ACTR8: variants seen among roughly 807,000 people sequenced by gnomAD.
The protein encoded by ACTR8 is actin related protein 8.
ACTR8 carries 70 observed loss-of-function variants against 84.3 expected under a neutral mutation model. The ratio of observed to expected loss-of-function variants is 0.83; its 90% CI spans 0.68 to 1.01. ACTR8 has a LOEUF of 1.01. Ranked by LOEUF, ACTR8 falls within the 50% of genes least tolerant of loss-of-function variation. ACTR8 has a pLI of 0.00. For missense variants in ACTR8, 672 were observed against 775.4 expected (o/e 0.87, Z 1.58); for synonymous variants, 268 against 275.2 (o/e 0.97, Z 0.26).
rs1348618594 is a variant in ACTR8, at chr3:53,867,091, T to C, written c.*1628A>G. On this transcript the variant is annotated 3_prime_UTR_variant, in exon 13 of 13. Coordinates refer to ENST00000335754, the MANE Select transcript of ACTR8 (RefSeq NM_022899.5). ...TTTAATGTAGCAAATTTTACTTATT[T>C]GTCATGATCAGTTTTCACAGTGCTT... The C allele has an allele frequency of 1.3e-5, 2 of 152,230 alleles. No homozygotes were observed. Among genetic ancestry groups the C allele is most frequent in the African/African-American group, 4.8e-5 (2 of 41,460 alleles). The allele number at this position is 152,230 out of a possible 1,614,324, so 9.4% of individuals were successfully genotyped here. A position where few individuals can be genotyped will look rare whatever the true frequency, so the allele number is the denominator to read the frequency against.
intron 6 of ACTR8, 37 bp downstream of exon 6, chr3:53,876,583 C>A: frequency 8.6e-7 from 1 of 1,159,188 alleles, no homozygotes; most frequent in Non-Finnish European, 1.3e-6. Context: ...AAAGAAAATT[C>A]CATTTAAAAT....
chr3:53,878,320 T>C (rs772401507), intron 3 of ACTR8, 37 bp downstream of exon 3: 3 of 1,363,438 alleles, frequency 2.2e-6, no homozygotes, highest in Non-Finnish European at 3.1e-6. Context: ...ATACCAATAG[T>C]GGTGATAAAA....
At position 53,868,487 on chromosome 3, in the gene ACTR8, G is replaced by T; in HGVS notation, c.*232C>A. 1.8e-6 allele frequency: 1 copy of T among 553,636 alleles called. No homozygotes were observed. The highest frequency in any genetic ancestry group is 3.1e-6 in the Non-Finnish European group (1 of 325,408). The allele number at this position is 553,636 out of a possible 1,614,324, so 34.3% of individuals were successfully genotyped here. On this transcript the variant is annotated 3_prime_UTR_variant, in exon 13 of 13. Transcript: ENST00000335754. Reference sequence around the variant, plus strand: ...TGAGACCCTGAGAGAGGGCAAGAGAGTTTACAACTGAAGAGAAAGTTCCTA... The same window carrying T: ...TGAGACCCTGAGAGAGGGCAAGAGATTTTACAACTGAAGAGAAAGTTCCTA...
At chr3:53,881,910 T>A (rs2276844) in intron 1 of ACTR8, 69 bp downstream of exon 1, 499,261 of 1,545,850 alleles carry the variant, frequency 0.32, 82,473 homozygotes, top group East Asian at 0.52. Flanking sequence ...TCCCGCCGCC[T>A]CCCGCCCCTT....
rs199805171 is a variant in ACTR8 at position 53,872,543 on chromosome 3, A to G, written c.1162-19T>C. The G allele has an allele frequency of 1.3e-5, 21 of 1,565,072 alleles. No individual in the cohort carries two copies. Among genetic ancestry groups the G allele is most frequent in the East Asian group, 2.3e-5 (1 of 43,196 alleles). On this transcript the variant is annotated intron_variant, in intron 9 of 12. Transcript: ENST00000335754. ...TTGGAGCCTGTACATGAAGAAAAAGAGTGATCAACAAAAGATACTGCATCC... is the reference window on the plus strand; with the variant it reads ...TTGGAGCCTGTACATGAAGAAAAAGGGTGATCAACAAAAGATACTGCATCC...
In ACTR8 at chr3:53,871,351, G is replaced by T; in HGVS notation, c.1448C>A (p.Ala483Asp). ...GAGGGCCTCCTCGGAATCGTTGCCG[G>T]CCATCAGGCCATCTCCCTGTGCAGA... The part of the protein sequence containing the change: ...LGSAQGDGLM[A>D]GNDSEEALTA... Residue 483 changes from alanine to aspartate, a missense_variant, in exon 11 of 13, where the codon GCC becomes GAC. Transcript: ENST00000335754. 1 of 1,614,212 alleles carries T rather than the reference G, an allele frequency of 6.2e-7. No individual in the cohort carries two copies. Among genetic ancestry groups the T allele is most frequent in the Non-Finnish European group, 8.5e-7 (1 of 1,180,038 alleles).
the ACTR8 span, chr3:53,860,155 G>C: frequency 1.2e-6 from 2 of 1,614,046 alleles, no homozygotes; most frequent in Non-Finnish European, 1.7e-6. Context: ...GAGGCTGGCT[G>C]CCTCTCCTCC....
intron 11 of ACTR8, 87 bp downstream of exon 11, chr3:53,871,145 C>T: frequency 6.6e-7 from 1 of 1,513,624 alleles, no homozygotes; most frequent in Non-Finnish European, 9.0e-7. Flanking sequence ...ATATGTTATA[C>T]TGCACAAGTA....
At position 53,868,683 on chromosome 3, in the gene ACTR8, T is replaced by C. The variant is rs375331466; in HGVS notation, c.*36A>G. ...TAAGAGTCTTTTATACCAAGAAGCTTGTTTTTGGTCTTCGGCAGTGACATT... is the reference window on the plus strand; with the variant it reads ...TAAGAGTCTTTTATACCAAGAAGCTCGTTTTTGGTCTTCGGCAGTGACATT... On this transcript the variant is annotated 3_prime_UTR_variant, in exon 13 of 13. Transcript: ENST00000335754. 7 of 1,607,408 alleles carry C rather than the reference T, an allele frequency of 4.4e-6. No homozygotes were observed. The highest frequency in any genetic ancestry group is 5.9e-6 in the Non-Finnish European group (7 of 1,177,018).
In ACTR8 at chr3:53,877,738, T is replaced by A. The variant is rs761115899; in HGVS notation, c.419A>T (p.Asn140Ile). Residue 140 changes from asparagine to isoleucine, a missense_variant, in exon 4 of 13, where the codon AAT (asparagine) becomes ATT (isoleucine). By Grantham distance (149) the Asn-to-Ile change is moderately radical. Transcript: ENST00000335754. ...TAAAATTGCAGGTCGCATCTGCTTA[T>A]TGTAGGAGCGTGCCTGAAAAGAAAA... ...PVSPEQARSYNKQMRPAILDH... is the reference protein window; with the variant it reads ...PVSPEQARSYIKQMRPAILDH... 2.5e-5 allele frequency: 41 copies of A among 1,613,982 alleles called. No homozygotes were observed. The highest frequency in any genetic ancestry group is 3.4e-5 in the Non-Finnish European group (40 of 1,179,970).
chr3:53,879,153 T>C (rs1333275230), intron 2 of ACTR8, among the ~76,000 whole-genome samples: 1 of 152,258 alleles, frequency 6.6e-6, no homozygotes, highest in Non-Finnish European at 1.5e-5. Flanking sequence ...ACAGAAATGT[T>C]TTCTTTTGAT....
chr3:53,860,765 TG>T, the ACTR8 span: 1 of 152,078 alleles, frequency 6.6e-6, no homozygotes, highest in African/African-American at 2.4e-5. Flanking sequence ...ATTAAAATAT[TG>T]AAAAAAATGA....
chr3:53,881,789 G>C (rs1700065487), intron 1 of ACTR8, 190 bp downstream of exon 1: 1 of 905,330 alleles, frequency 1.1e-6, no homozygotes, highest in Non-Finnish European at 1.6e-6. Flanking sequence ...GGCTCCTGGC[G>C]CTCCGCACCT....
At chr3:53,869,886 T>A in intron 12 of ACTR8, 96 bp downstream of exon 12, 1 of 1,458,184 alleles carries the variant, frequency 6.9e-7, no homozygotes, top group East Asian at 2.4e-5. Flanking sequence ...CAAGAACTCC[T>A]CAGACACAAG....
chr3:53,868,908 TACTCAA>T, intron 12 of ACTR8, 46 bp from the exon 13 acceptor site: 1 of 1,581,348 alleles, frequency 6.3e-7, no homozygotes, highest in Non-Finnish European at 8.6e-7. Flanking sequence ...ATAAGACATA[TACTCAA>T]TCATTTACTT....
the ACTR8 span, chr3:53,861,110 C>T: frequency 1.3e-5 from 2 of 152,108 alleles, no homozygotes; most frequent in Non-Finnish European, 2.9e-5. Context: ...CATCTCCAAA[C>T]GAGCAGTTCC....
chr3:53,869,422 TATAA>T (rs1310068699), intron 12 of ACTR8, among the ~76,000 whole-genome samples: 1 of 152,222 alleles, frequency 6.6e-6, no homozygotes, highest in Non-Finnish European at 1.5e-5. Flanking sequence ...CAGGAACATA[TATAA>T]ATAAATGACT....
chr3:53,873,117 CCA>C lies in ACTR8; in HGVS notation c.1074_1075del (p.Gly359AlafsTer5). 6.2e-7 allele frequency: 1 copy of C among 1,607,998 alleles called. No homozygotes were observed. The highest frequency in any genetic ancestry group is 8.5e-7 in the Non-Finnish European group (1 of 1,175,934). On this transcript the variant is annotated frameshift_variant, in exon 9 of 13. Transcript: ENST00000335754. LOFTEE classifies it high-confidence loss of function. The stretch of plus-strand genomic sequence containing the variant: ...AATCTGAAACTCATGGTCCTGAAGC[CCA>C]GAGATGTCCTGATTCCAGGAAAAGA...
At chr3:53,860,392 G>A in the ACTR8 span, 3 of 484,738 alleles carry the variant, frequency 6.2e-6, no homozygotes, top group African/African-American at 5.8e-5. Context: ...ATACGAGCAT[G>A]ACTGGATTAC....
Sources: gnomAD v4.1 joint callset for allele counts (sites outside exome capture counted in the v4.1 genomes callset) on GRCh38, gnomAD v4.1.1 for gene constraint, MANE v1.5 for transcripts, NCBI Gene and HGNC (gene_info 2026-07-23, HGNC 2026-07-21) for gene names.